CNTN6: variants seen among roughly 807,000 people sequenced by gnomAD.
CNTN6 encodes contactin-6.
CNTN6 carries 137 observed loss-of-function variants against 122.8 expected under a neutral mutation model. The ratio of observed to expected loss-of-function variants is 1.12; its 90% confidence interval spans 0.97 to 1.29. The LOEUF is 1.29. Ranked by LOEUF, CNTN6 falls within the 50% of genes most tolerant of loss-of-function variation. The probability of loss-of-function intolerance (pLI) is 0.00; values close to 1 mark genes in which losing one functional copy is unlikely to be tolerated. For missense variants in CNTN6, 1,634 were observed against 1,223.4 expected, an observed-to-expected ratio of 1.34 and a Z score of -5.01; for synonymous variants, 570 against 426.0, an observed-to-expected ratio of 1.34 and a Z score of -4.16.
At chr3:1,340,032 T>C (rs1013849413) in intron 11 of CNTN6, among the ~76,000 whole-genome samples, 5 of 152,164 alleles carry the variant, frequency 3.3e-5, no homozygotes, top group Non-Finnish European at 7.4e-5. Context: ...ATCATTTCGT[T>C]AAATTTTTAC....
intron 4 of CNTN6, among the ~76,000 whole-genome samples, chr3:1,243,919 C>G (rs1372220803): frequency 6.6e-6 from 1 of 151,878 alleles, no homozygotes; most frequent in Admixed American, 6.6e-5. Flanking sequence ...ACCAAGGGGA[C>G]AGGCGGGAGG....
intron 20 of CNTN6, among the ~76,000 whole-genome samples, chr3:1,391,796 C>G (rs1375761420): frequency 2.7e-5 from 4 of 150,504 alleles, no homozygotes; most frequent in African/African-American, 9.8e-5. Context: ...GAGTGAACTC[C>G]CATTCACAAT....
In CNTN6 at chr3:1,357,107, TATAATG is replaced by T. The variant is rs1189975054; in HGVS notation, c.1492+4657_1492+4662del. Reference sequence around the variant, plus strand: ...TTTTCTTAATGTATATTTTACAAAATATAATGTAAAGGATAGATGTTAATACAGCAT... The same window carrying T: ...TTTTCTTAATGTATATTTTACAAAATTAAAGGATAGATGTTAATACAGCAT... On this transcript the variant is annotated intron_variant, in intron 12 of 22. Coordinates refer to ENST00000446702, the MANE Select transcript of CNTN6 (RefSeq NM_001289080.2). Among the ~76,000 whole-genome samples, 4 of 152,008 alleles carry T rather than the reference TATAATG, an allele frequency of 2.6e-5. No homozygotes were observed. The East Asian group carries it at 7.8e-4, about 30-fold the overall frequency.
chr3:1,385,976 G>T (rs1477155930), intron 20 of CNTN6, among the ~76,000 whole-genome samples, 179 bp downstream of exon 20: 1 of 152,266 alleles, frequency 6.6e-6, no homozygotes, highest in African/African-American at 2.4e-5. Flanking sequence ...CAAGGTAATT[G>T]TTTTCATATT....
intron 19 of CNTN6, among the ~76,000 whole-genome samples, chr3:1,383,870 C>T (rs1458130655): frequency 6.6e-6 from 1 of 152,096 alleles, no homozygotes; most frequent in Non-Finnish European, 1.5e-5. Flanking sequence ...ACCTCCAGGC[C>T]ATTGCCATAG....
chr3:1,320,381 G>T (rs1390703485), intron 7 of CNTN6, among the ~76,000 whole-genome samples: 1 of 151,526 alleles, frequency 6.6e-6, no homozygotes, highest in Non-Finnish European at 1.5e-5. Flanking sequence ...AATGTCTAAG[G>T]CTTCATAAGT....
intron 2 of CNTN6, among the ~76,000 whole-genome samples, chr3:1,150,152 C>T (rs1182631772): frequency 6.6e-6 from 1 of 152,140 alleles, no homozygotes; most frequent in African/African-American, 2.4e-5. Context: ...GACAACACTG[C>T]TTTAAATCTG....
chr3:1,099,308 G>A (rs565524236), intron 1 of CNTN6, among the ~76,000 whole-genome samples: 57 of 151,678 alleles, frequency 3.8e-4, no homozygotes, highest in African/African-American at 1.2e-3. Flanking sequence ...AAAATTAGCA[G>A]GGTGTGGTGG....
chr3:1,296,434 C>G (rs752962773), intron 6 of CNTN6, among the ~76,000 whole-genome samples: 2 of 151,844 alleles, frequency 1.3e-5, no homozygotes, highest in Non-Finnish European at 2.9e-5. Context: ...ATTTAGAGAG[C>G]CAGAAAGTTT....
intron 4 of CNTN6, among the ~76,000 whole-genome samples, chr3:1,244,134 G>T (rs1425419788): frequency 2.0e-5 from 3 of 152,178 alleles, no homozygotes; most frequent in Non-Finnish European, 1.5e-5. Flanking sequence ...GGGCCAAGCG[G>T]TGTTGCAGAA....
intron 2 of CNTN6, among the ~76,000 whole-genome samples, chr3:1,190,837 A>G (rs2093691552): frequency 6.6e-6 from 1 of 152,118 alleles, no homozygotes; most frequent in East Asian, 1.9e-4. Context: ...AGCCTCTGAG[A>G]TTAGTTTTCC....
chr3:1,136,943 T>C (rs2092490554), intron 1 of CNTN6, among the ~76,000 whole-genome samples: 1 of 152,180 alleles, frequency 6.6e-6, no homozygotes, highest in Non-Finnish European at 1.5e-5. Context: ...GAAGATGAAA[T>C]GAGGCAGTGC....
At position 1,227,992 on chromosome 3, in the gene CNTN6, A is replaced by T; in HGVS notation, c.357A>T (p.Ala119=). ...GTCGGAAGGCAAAGCTCCAATTTGC[A>T]TGTGAGTTTGGGGTAAATTTTGTAA... The part of the protein sequence containing the change: ...ILSRKAKLQF[A]YIEDFETKTR... The change falls in exon 4 of 23, where the codon GCA becomes GCT. Residue 119 remains alanine, a splice_region_variant and synonymous_variant. Transcript: ENST00000446702. The T allele has an allele frequency of 6.2e-7, 1 of 1,612,454 alleles. No homozygotes were observed.
At position 1,386,626 on chromosome 3, in the gene CNTN6, T is replaced by G. The variant is rs78494395; in HGVS notation, c.2704+829T>G. ...GTAAGATGATTTTTTTGTGGTTGAA[T>G]AATATTTACATATTCCTTATATATT... On this transcript the variant is annotated intron_variant, in intron 20 of 22. Transcript: ENST00000446702. 8.6e-3 allele frequency among the ~76,000 whole-genome samples: 1,305 copies of G among 151,978 alleles called. 26 individuals carry two copies. Among genetic ancestry groups the G allele is most frequent in the African/African-American group, 0.03 (1,239 of 41,544 alleles).
intron 4 of CNTN6, among the ~76,000 whole-genome samples, chr3:1,247,846 A>G (rs879882576): frequency 2.0e-5 from 3 of 151,720 alleles, no homozygotes; most frequent in Non-Finnish European, 2.9e-5. Flanking sequence ...TTTACATAAC[A>G]TTTGTTAAAA....
At chr3:1,392,493 T>C (rs1419034838) in intron 20 of CNTN6, among the ~76,000 whole-genome samples, 11 of 151,722 alleles carry the variant, frequency 7.3e-5, no homozygotes, top group African/African-American at 2.2e-4. Flanking sequence ...GACATAGGCA[T>C]GGGCAAGGAC....
intron 1 of CNTN6, among the ~76,000 whole-genome samples, chr3:1,114,792 CA>C (rs2125034447): frequency 6.6e-6 from 1 of 152,054 alleles, no homozygotes; most frequent in South Asian, 2.1e-4. Context: ...GAACAAGAAA[CA>C]AAAAACTAAA....
intron 3 of CNTN6, among the ~76,000 whole-genome samples, chr3:1,226,513 A>T (rs2094286101): frequency 6.6e-6 from 1 of 152,162 alleles, no homozygotes; most frequent in African/African-American, 2.4e-5. Flanking sequence ...TCATTTCTAT[A>T]TCCAGAGGAA....
At chr3:1,212,634 A>C (rs939139340) in intron 2 of CNTN6, among the ~76,000 whole-genome samples, 8 of 151,768 alleles carry the variant, frequency 5.3e-5, no homozygotes, top group Admixed American at 4.6e-4. Context: ...AAATACCAAC[A>C]CCATTCTTTT....
Sources: allele counts gnomAD v4.1 joint callset (sites outside exome capture counted in the v4.1 genomes callset), GRCh38; gene constraint gnomAD v4.1.1; transcripts MANE v1.5; gene names NCBI Gene and HGNC (gene_info 2026-07-23, HGNC 2026-07-21).